Variants in NFATC3 observed in about 807,000 individuals in gnomAD.
The protein encoded by NFATC3 is nuclear factor of activated T cells 3.
A neutral mutation model predicts 98.6 loss-of-function variants in NFATC3; 46 were observed. That is an observed-to-expected ratio of 0.47 (90% CI 0.37 to 0.60). NFATC3 has a LOEUF of 0.60. NFATC3 is among the 20% of genes least tolerant of loss of function. NFATC3 has a pLI of 0.00. For missense variants in NFATC3, 1,256 were observed against 1,295.5 expected, an observed-to-expected ratio of 0.97 and a Z score of 0.47; for synonymous variants, 512 against 472.2, an observed-to-expected ratio of 1.08 and a Z score of -1.09.
intron 8 of NFATC3, among the ~76,000 whole-genome samples, chr16:68,188,787 C>A (rs2040320432): frequency 6.6e-6 from 1 of 152,212 alleles, no homozygotes; most frequent in Non-Finnish European, 1.5e-5. Flanking sequence ...CGTTTCACTG[C>A]AACCTCTGCC....
chr16:68,201,676 C>CA (rs2040921821), intron 9 of NFATC3, among the ~76,000 whole-genome samples: 1 of 151,288 alleles, frequency 6.6e-6, no homozygotes, highest in African/African-American at 2.4e-5. Flanking sequence ...AGCGGCCAGA[C>CA]ACAGTGGCTC....
chr16:68,153,135 G>A (rs539054589), intron 3 of NFATC3, among the ~76,000 whole-genome samples: 16 of 152,174 alleles, frequency 1.1e-4, no homozygotes, highest in Non-Finnish European at 2.2e-4. Context: ...CGTGGCTCAC[G>A]CCTGTAATCT....
At chr16:68,124,574 A>G (rs1183523610) in intron 2 of NFATC3, among the ~76,000 whole-genome samples, 1 of 150,122 alleles carries the variant, frequency 6.7e-6, no homozygotes, top group Non-Finnish European at 1.5e-5. Flanking sequence ...AGCTGGGACT[A>G]CAGGCGTCCG....
At chr16:68,196,465 T>C (rs1254722546) in intron 9 of NFATC3, among the ~76,000 whole-genome samples, 6 of 152,336 alleles carry the variant, frequency 3.9e-5, no homozygotes, top group Admixed American at 3.9e-4. Context: ...TTTATTATGA[T>C]ATTTGGATTT....
intron 1 of NFATC3, among the ~76,000 whole-genome samples, chr16:68,101,659 A>G (rs910088455): frequency 1.3e-5 from 2 of 150,874 alleles, no homozygotes. Context: ...AATTTTTTGT[A>G]TTTTTGATAG....
chr16:68,103,667 A>G (rs149698558), intron 1 of NFATC3, among the ~76,000 whole-genome samples: 1 of 152,166 alleles, frequency 6.6e-6, no homozygotes. Flanking sequence ...TAAGAGTTTT[A>G]TGCTTTTAGC....
intron 3 of NFATC3, among the ~76,000 whole-genome samples, chr16:68,146,014 G>A (rs1248688831): frequency 6.6e-6 from 1 of 152,004 alleles, no homozygotes; most frequent in Admixed American, 6.6e-5. Flanking sequence ...GTCTGCTTGG[G>A]ATCAGAAGTC....
chr16:68,203,936 C>T (rs2041033267), intron 9 of NFATC3, among the ~76,000 whole-genome samples: 2 of 152,052 alleles, frequency 1.3e-5, no homozygotes, highest in Admixed American at 1.3e-4. Flanking sequence ...GATTGCAATC[C>T]CAGCACTTTG....
intron 3 of NFATC3, among the ~76,000 whole-genome samples, chr16:68,141,878 C>A (rs898902492): frequency 6.6e-6 from 1 of 151,976 alleles, no homozygotes; most frequent in Non-Finnish European, 1.5e-5. Flanking sequence ...ATCATAAATT[C>A]TTTGCCTAGG....
At position 68,123,095 on chromosome 16, in the gene NFATC3, A is replaced by G. The variant is rs763728782; in HGVS notation, c.1212A>G (p.Pro404=). The part of the protein sequence containing the change: ...SVPSPFTWSK[P]KPGHTPIFRT... ...CTTCACCCTTTACCTGGAGCAAACC[A>G]AAGCCTGGCCACACCCCTATATTTC... The change falls in exon 2 of 10, where the codon CCA becomes CCG. Residue 404 remains proline (P), a synonymous_variant. Transcript: ENST00000346183. 2.5e-6 allele frequency: 4 copies of G among 1,604,102 alleles called. No homozygotes were observed. The Admixed American group carries it at 5.0e-5, about 20-fold the overall frequency.
At chr16:68,165,386 CTTTTTCT>C (rs1478186138) in intron 4 of NFATC3, among the ~76,000 whole-genome samples, 2 of 118,446 alleles carry the variant, frequency 1.7e-5, no homozygotes, top group Admixed American at 1.6e-4. Context: ...TTTTTTTTTT[CTTTTTCT>C]TTTTTTTTTT....
chr16:68,228,651 A>G lies in NFATC3; in HGVS notation c.*2180A>G, dbSNP rs542658592. On this transcript the variant is annotated 3_prime_UTR_variant, in exon 10 of 10. Coordinates refer to ENST00000346183, the MANE Select transcript of NFATC3 (RefSeq NM_173165.3). ...GTAAAAGCTTTGGTGTTAAGAGTCA[A>G]TATTTTTTGGCTTTGTAGATAAAGA... 5 of 152,760 alleles carry G rather than the reference A, an allele frequency of 3.3e-5. No homozygotes were observed. Among genetic ancestry groups the G allele is most frequent in the African/African-American group, 9.6e-5 (4 of 41,574 alleles). 9.5% of individuals were successfully genotyped at this position (152,760 alleles called of 1,614,324 possible).
intron 6 of NFATC3, among the ~76,000 whole-genome samples, chr16:68,179,655 C>T (rs1353574426): frequency 6.6e-6 from 1 of 152,188 alleles, no homozygotes; most frequent in Non-Finnish European, 1.5e-5. Flanking sequence ...AGTCGGAGAG[C>T]TTTAGTAGCA....
chr16:68,168,184 G>A (rs1598490214), intron 5 of NFATC3, among the ~76,000 whole-genome samples: 2 of 149,918 alleles, frequency 1.3e-5, no homozygotes, highest in South Asian at 2.1e-4. Flanking sequence ...TTTTTGAGAC[G>A]GAGTCTCACT....
intron 1 of NFATC3, among the ~76,000 whole-genome samples, chr16:68,114,406 A>G (rs1261882988): frequency 2.6e-5 from 4 of 151,834 alleles, no homozygotes; most frequent in Non-Finnish European, 4.4e-5. Context: ...TGCCTAAACT[A>G]GTGTTTTCTT....
chr16:68,143,534 C>G (rs745561549), intron 3 of NFATC3, among the ~76,000 whole-genome samples: 11 of 152,036 alleles, frequency 7.2e-5, no homozygotes, highest in Non-Finnish European at 1.6e-4. Context: ...AAAATTAATT[C>G]AAAATGGGTT....
chr16:68,093,062 TCA>T (rs1289393936), intron 1 of NFATC3, among the ~76,000 whole-genome samples: 1 of 150,786 alleles, frequency 6.6e-6, no homozygotes, highest in Non-Finnish European at 1.5e-5. Flanking sequence ...CTGCCTTTCC[TCA>T]CAGTTTTTCA....
At chr16:68,125,582 T>C (rs2036792195) in intron 2 of NFATC3, among the ~76,000 whole-genome samples, 1 of 151,774 alleles carries the variant, frequency 6.6e-6, no homozygotes, top group Non-Finnish European at 1.5e-5. Context: ...AAAGGAGCAA[T>C]AGGGAGGAAG....
At chr16:68,098,291 ATTATTATTATTTTT>A (rs2035131441) in intron 1 of NFATC3, among the ~76,000 whole-genome samples, 1 of 107,890 alleles carries the variant, frequency 9.3e-6, no homozygotes, top group African/African-American at 4.3e-5. Context: ...TATTATTATT[ATTATTATTATTTTT>A]TTTTTTTTTT....
Sources: allele counts gnomAD v4.1 joint callset (sites outside exome capture counted in the v4.1 genomes callset), GRCh38; gene constraint gnomAD v4.1.1; transcripts MANE v1.5; gene names NCBI Gene and HGNC (gene_info 2026-07-23, HGNC 2026-07-21).